The following GRIP1 variants were observed in gnomAD, a reference collection of about 807,000 sequenced individuals.
The protein encoded by GRIP1 is glutamate receptor-interacting protein 1.
Under a neutral mutation model 129.9 loss-of-function variants are expected in GRIP1, and 45 were observed. The observed-to-expected ratio is 0.35, with a 90% CI of 0.27 to 0.44. GRIP1 has a LOEUF of 0.44. GRIP1 is among the 20% of genes least tolerant of loss of function. GRIP1 has a pLI of 1.00. For synonymous variants in GRIP1, 530 were observed against 520.8 expected (o/e 1.02, Z -0.24); for missense variants, 1,196 against 1,396.8 (o/e 0.86, Z 2.29).
In GRIP1 at chr12:66,541,055, T is replaced by C. The variant is rs140690678; in HGVS notation, c.272+760A>G. 2.6e-3 allele frequency among the ~76,000 whole-genome samples: 399 copies of C among 152,294 alleles called. 1 individual carries two copies. The highest frequency in any genetic ancestry group is 9.2e-3 in the African/African-American group (384 of 41,576). On this transcript the variant is annotated intron_variant, in intron 3 of 24. Transcript: ENST00000359742. Reference sequence around the variant, plus strand: ...GTCTCGAACTCCTGACCTCAGGTGATTCACCTGCCTTGGCCTCCCAATGTG... The same window carrying C: ...GTCTCGAACTCCTGACCTCAGGTGACTCACCTGCCTTGGCCTCCCAATGTG...
chr12:67,015,836 G>A (rs1340226871), intron 1 of GRIP1, among the ~76,000 whole-genome samples: 1 of 152,112 alleles, frequency 6.6e-6, no homozygotes, highest in Non-Finnish European at 1.5e-5. Flanking sequence ...CATGAAATCA[G>A]AAATATTATC....
chr12:66,590,387 AG>A (rs2063809502), intron 2 of GRIP1, among the ~76,000 whole-genome samples: 1 of 152,216 alleles, frequency 6.6e-6, no homozygotes, highest in Non-Finnish European at 1.5e-5. Context: ...CACTAATGAA[AG>A]CTATGGCTCT....
intron 2 of GRIP1, among the ~76,000 whole-genome samples, chr12:66,595,751 A>C (rs1289678885): frequency 6.6e-6 from 1 of 152,186 alleles, no homozygotes; most frequent in African/African-American, 2.4e-5. Context: ...CAAAACAAGG[A>C]TGTATAACAT....
At chr12:66,414,669 G>A (rs1592806296) in intron 15 of GRIP1, among the ~76,000 whole-genome samples, 2 of 151,994 alleles carry the variant, frequency 1.3e-5, no homozygotes, top group African/African-American at 4.8e-5. Flanking sequence ...CAAAGCTGGA[G>A]GTATCATGCT....
intron 2 of GRIP1, among the ~76,000 whole-genome samples, chr12:66,594,104 C>T (rs2063950977): frequency 6.6e-6 from 1 of 150,458 alleles, no homozygotes; most frequent in African/African-American, 2.4e-5. Flanking sequence ...ATTTCAGCCT[C>T]CTTGTGTTTG....
chr12:66,625,366 C>T (rs2029897086), intron 1 of GRIP1, among the ~76,000 whole-genome samples: 1 of 152,180 alleles, frequency 6.6e-6, no homozygotes, highest in Non-Finnish European at 1.5e-5. Context: ...CATATTTTCA[C>T]ATACGTACTT....
intron 7 of GRIP1, among the ~76,000 whole-genome samples, chr12:66,506,828 T>A (rs1249664604): frequency 6.6e-6 from 1 of 152,028 alleles, no homozygotes; most frequent in Non-Finnish European, 1.5e-5. Flanking sequence ...TTTGAATATG[T>A]AAAAGGGAAT....
chr12:66,576,088 T>A (rs1387610015), intron 2 of GRIP1, among the ~76,000 whole-genome samples: 1 of 152,206 alleles, frequency 6.6e-6, no homozygotes, highest in African/African-American at 2.4e-5. Context: ...CCAGAAATCT[T>A]AGACCTCTGG....
intron 1 of GRIP1, among the ~76,000 whole-genome samples, chr12:66,616,831 T>C (rs2065057002): frequency 6.6e-6 from 1 of 152,116 alleles, no homozygotes; most frequent in Admixed American, 6.6e-5. Context: ...CTGTTTGAGA[T>C]TCACAGTGAC....
chr12:66,484,460 TAAAGAA>T (rs2059898681), intron 7 of GRIP1, among the ~76,000 whole-genome samples: 1 of 152,134 alleles, frequency 6.6e-6, no homozygotes, highest in Admixed American at 6.6e-5. Flanking sequence ...GGTGAATGGA[TAAAGAA>T]AATGTACACA....
chr12:66,483,835 C>T (rs2059875563), intron 7 of GRIP1, among the ~76,000 whole-genome samples: 1 of 151,420 alleles, frequency 6.6e-6, no homozygotes, highest in Middle Eastern at 3.2e-3. Flanking sequence ...CATTGCTCAC[C>T]ATCCAAAAAG....
At chr12:66,395,008 T>G (rs1193601204) in intron 16 of GRIP1, among the ~76,000 whole-genome samples, 2 of 152,188 alleles carry the variant, frequency 1.3e-5, no homozygotes. Flanking sequence ...TCTCTCCTCT[T>G]TCAATGGAGT....
intron 1 of GRIP1, among the ~76,000 whole-genome samples, chr12:66,794,466 G>A (rs1337759186): frequency 6.6e-6 from 1 of 152,154 alleles, no homozygotes; most frequent in Non-Finnish European, 1.5e-5. Flanking sequence ...GGGCTCCAGG[G>A]CTAACCCTTG....
At chr12:66,394,127 G>A in intron 17 of GRIP1, 81 bp downstream of exon 17, 1 of 1,271,176 alleles carries the variant, frequency 7.9e-7, no homozygotes, top group Non-Finnish European at 1.2e-6. Flanking sequence ...ACCACAGAGA[G>A]AGGAGCATGT....
At chr12:66,670,369 C>T (rs2034019269) in intron 1 of GRIP1, among the ~76,000 whole-genome samples, 1 of 152,172 alleles carries the variant, frequency 6.6e-6, no homozygotes, top group Non-Finnish European at 1.5e-5. Context: ...ATGGAACATT[C>T]CTTCCAGTCT....
intron 2 of GRIP1, among the ~76,000 whole-genome samples, chr12:66,564,469 T>C (rs899904921): frequency 6.6e-5 from 10 of 152,164 alleles, no homozygotes; most frequent in African/African-American, 2.4e-4. Context: ...TCGTTTTTTA[T>C]GGCTGCATAG....
At chr12:66,461,187 A>C (rs1162674362) in intron 9 of GRIP1, among the ~76,000 whole-genome samples, 2 of 124,434 alleles carry the variant, frequency 1.6e-5, no homozygotes, top group Non-Finnish European at 3.5e-5. Flanking sequence ...CATGAGTTGA[A>C]AACACTTGAA....
At chr12:66,412,736 A>T (rs1379064285) in intron 15 of GRIP1, among the ~76,000 whole-genome samples, 1 of 152,220 alleles carries the variant, frequency 6.6e-6, no homozygotes, top group East Asian at 1.9e-4. Flanking sequence ...TGTCTTCAAG[A>T]GACCTATCTC....
At chr12:66,558,927 C>T (rs1005513469) in intron 2 of GRIP1, among the ~76,000 whole-genome samples, 2 of 152,050 alleles carry the variant, frequency 1.3e-5, no homozygotes, top group African/African-American at 4.8e-5. Context: ...CAAAAATCCT[C>T]AACAAAATAG....
Sources: gnomAD v4.1 joint callset for allele counts (sites outside exome capture counted in the v4.1 genomes callset) on GRCh38, gnomAD v4.1.1 for gene constraint, MANE v1.5 for transcripts, NCBI Gene and HGNC (gene_info 2026-07-23, HGNC 2026-07-21) for gene names.